The following FUT9 variants were observed in gnomAD, a reference collection of about 807,000 sequenced individuals.
FUT9 encodes 4-galactosyl-N-acetylglucosaminide 3-alpha-L-fucosyltransferase 9.
In FUT9, 15 loss-of-function variants were observed where a neutral mutation model predicts 29.7. That is an observed-to-expected ratio of 0.51 (90% CI 0.34 to 0.78). The LOEUF is 0.78. FUT9 is among the 30% of genes least tolerant of loss of function. FUT9 has a pLI of 0.01. For missense variants in FUT9, 319 were observed against 425.4 expected, an observed-to-expected ratio of 0.75 and a Z score of 2.20; for synonymous variants, 169 against 153.7, an observed-to-expected ratio of 1.10 and a Z score of -0.74.
rs150784230 is a variant in FUT9, at chr6:96,150,869, A to C, written c.-9+36742A>C. Among the ~76,000 whole-genome samples, 1,357 of 152,328 alleles carry C rather than the reference A, an allele frequency of 8.9e-3. 19 individuals carry two copies. Among genetic ancestry groups the C allele is most frequent in the African/African-American group, 0.032 (1,310 of 41,572 alleles). ...TTCCCTAGGACTGGGGGTAAGGGCA[A>C]TATAACACTCTAACACTCCTACTTT... On this transcript the variant is annotated intron_variant, in intron 2 of 2. Transcript: ENST00000302103.
At chr6:96,124,973 T>C (rs902659567) in intron 2 of FUT9, among the ~76,000 whole-genome samples, 1 of 152,228 alleles carries the variant, frequency 6.6e-6, no homozygotes, top group Non-Finnish European at 1.5e-5. Flanking sequence ...CATTTCAGCC[T>C]GACCTCATGA....
intron 1 of FUT9, among the ~76,000 whole-genome samples, chr6:96,023,657 T>C (rs1770112294): frequency 1.3e-5 from 2 of 151,928 alleles, no homozygotes; most frequent in South Asian, 4.1e-4. Context: ...ATCTGTGCAA[T>C]GGATTCAGTT....
rs1773994019 is a variant in FUT9, at chr6:96,214,225, T to G, written c.*9990T>G. 6.0e-6 allele frequency: 1 copy of G among 166,842 alleles called. No individual in the cohort carries two copies. The allele number at this position is 166,842 out of a possible 1,614,324, so 10.3% of individuals were successfully genotyped here. On this transcript the variant is annotated 3_prime_UTR_variant, in exon 3 of 3. Coordinates refer to ENST00000302103, the MANE Select transcript of FUT9 (RefSeq NM_006581.4). Reference sequence around the variant, plus strand: ...CTTAATAGTACAAAGCATGAAGATGTGAAAATATCATCTTAACCAGTTTCA... The same window carrying G: ...CTTAATAGTACAAAGCATGAAGATGGGAAAATATCATCTTAACCAGTTTCA...
chr6:96,090,188 G>A (rs181600065), intron 1 of FUT9, among the ~76,000 whole-genome samples: 1 of 152,094 alleles, frequency 6.6e-6, no homozygotes, highest in Admixed American at 6.5e-5. Flanking sequence ...TTTGGGGGAT[G>A]AACCAAAAAG....
At chr6:96,119,342 G>C (rs1035942021) in intron 2 of FUT9, among the ~76,000 whole-genome samples, 1 of 152,126 alleles carries the variant, frequency 6.6e-6, no homozygotes, top group African/African-American at 2.4e-5. Context: ...AAAGCATTCA[G>C]TATAGTAACA....
At chr6:96,102,258 CAT>C (rs1771599038) in intron 1 of FUT9, among the ~76,000 whole-genome samples, 1 of 151,716 alleles carries the variant, frequency 6.6e-6, no homozygotes. Flanking sequence ...ATATTATAAA[CAT>C]ATTTATTACA....
intron 1 of FUT9, among the ~76,000 whole-genome samples, chr6:96,089,362 C>A (rs1771373356): frequency 6.6e-6 from 1 of 152,160 alleles, no homozygotes; most frequent in African/African-American, 2.4e-5. Context: ...CAATCAGGCT[C>A]CACCTGGTGT....
intron 1 of FUT9, among the ~76,000 whole-genome samples, chr6:96,019,309 A>C (rs2127920071): frequency 6.6e-6 from 1 of 152,056 alleles, no homozygotes; most frequent in East Asian, 1.9e-4. Flanking sequence ...AACCACATAC[A>C]ATATTTTTAT....
chr6:96,055,084 A>G (rs528256118), intron 1 of FUT9, among the ~76,000 whole-genome samples: 1 of 152,140 alleles, frequency 6.6e-6, no homozygotes, highest in South Asian at 2.1e-4. Context: ...ATATTGTTTA[A>G]TATTTCCAAA....
intron 1 of FUT9, among the ~76,000 whole-genome samples, chr6:96,057,358 A>T (rs1770790039): frequency 6.6e-6 from 1 of 152,154 alleles, no homozygotes. Context: ...AGGAAGTGCT[A>T]AAGTGTGGAA....
rs568153972 is a variant in FUT9 at position 96,116,915 on chromosome 6, C to A, written c.-9+2788C>A. Among the ~76,000 whole-genome samples the A allele has an allele frequency of 3.3e-5, 5 of 151,784 alleles. No individual in the cohort carries two copies. In the East Asian group the frequency reaches 7.7e-4, roughly 24 times the overall value. On this transcript the variant is annotated intron_variant, in intron 2 of 2. Transcript: ENST00000302103. ...GCTCATCAAAACCCATAGAACTGTA[C>A]AACACAATGAGTAAATTCTGCAGCA...
intron 2 of FUT9, among the ~76,000 whole-genome samples, chr6:96,163,738 CT>C (rs1355989008): frequency 6.6e-6 from 1 of 152,140 alleles, no homozygotes; most frequent in Non-Finnish European, 1.5e-5. Flanking sequence ...GCTGAAGTTT[CT>C]CTTTTAACAC....
intron 1 of FUT9, among the ~76,000 whole-genome samples, chr6:96,101,442 A>G (rs1219776471): frequency 1.3e-5 from 2 of 151,854 alleles, no homozygotes; most frequent in African/African-American, 2.4e-5. Context: ...CCAGCTACTC[A>G]GGAGGCTGAG....
chr6:96,085,582 C>A (rs1771303496), intron 1 of FUT9, among the ~76,000 whole-genome samples: 1 of 151,910 alleles, frequency 6.6e-6, no homozygotes, highest in African/African-American at 2.4e-5. Context: ...GGAAGCCTTT[C>A]TTTGTCTTTT....
chr6:96,078,409 T>TGA (rs1771177512), intron 1 of FUT9, among the ~76,000 whole-genome samples: 2 of 40,064 alleles, frequency 5.0e-5, no homozygotes, highest in Non-Finnish European at 1.0e-4. Context: ...ATTAGTCTTC[T>TGA]TTTTTTTTTT....
chr6:96,188,263 TG>T (rs1434186004), intron 2 of FUT9, among the ~76,000 whole-genome samples: 2 of 152,084 alleles, frequency 1.3e-5, no homozygotes, highest in Non-Finnish European at 2.9e-5. Flanking sequence ...TGTGTGTGTG[TG>T]TATGTATATA....
chr6:96,085,376 T>G (rs1035641545), intron 1 of FUT9, among the ~76,000 whole-genome samples: 1 of 152,204 alleles, frequency 6.6e-6, no homozygotes, highest in Non-Finnish European at 1.5e-5. Flanking sequence ...ACTGCGTCCT[T>G]GCATGGTGAA....
At chr6:96,077,230 A>G (rs1771154072) in intron 1 of FUT9, among the ~76,000 whole-genome samples, 1 of 152,064 alleles carries the variant, frequency 6.6e-6, no homozygotes, top group Non-Finnish European at 1.5e-5. Context: ...TCCCCCACCA[A>G]CACACACACA....
chr6:96,174,918 AT>A (rs1326298712), intron 2 of FUT9, among the ~76,000 whole-genome samples: 1 of 152,186 alleles, frequency 6.6e-6, no homozygotes, highest in Non-Finnish European at 1.5e-5. Flanking sequence ...ATATATGTGC[AT>A]TTAGAAAAAA....
Sources: gnomAD v4.1 joint callset for allele counts (sites outside exome capture counted in the v4.1 genomes callset) on GRCh38, gnomAD v4.1.1 for gene constraint, MANE v1.5 for transcripts, NCBI Gene and HGNC (gene_info 2026-07-23, HGNC 2026-07-21) for gene names.